Variants in VEGFD observed in about 807,000 individuals in gnomAD.
The protein encoded by VEGFD is vascular endothelial growth factor D, also known as c-fos induced growth factor (vascular endothelial growth factor D).
Under a neutral mutation model 28.0 loss-of-function variants are expected in VEGFD, and 26 were observed. The ratio of observed to expected loss-of-function variants is 0.93; its 90% confidence interval spans 0.68 to 1.29. The LOEUF (loss-of-function observed/expected upper bound fraction) is 1.29, where lower values mean the gene tolerates loss of function less well. Ranked by LOEUF, VEGFD falls within the 50% of genes most tolerant of loss-of-function variation. VEGFD has a pLI of 0.00. For missense variants in VEGFD, 294 were observed against 273.4 expected, an observed-to-expected ratio of 1.08 and a Z score of -0.53; for synonymous variants, 93 against 95.5, an observed-to-expected ratio of 0.97 and a Z score of 0.15.
intron 1 of VEGFD, among the ~76,000 whole-genome samples, chrX:15,380,876 C>A (rs768085935): frequency 8.9e-6 from 1 of 112,305 alleles, no homozygotes; most frequent in Admixed American, 9.4e-5. Context: ...CAGTGCACAT[C>A]GTGTACAACT....
chrX:15,350,700 A>C, intron 5 of VEGFD, among the ~76,000 whole-genome samples: 1 of 106,006 alleles, frequency 9.4e-6, no homozygotes, highest in Admixed American at 1.0e-4. Flanking sequence ...TGCCCTTCCC[A>C]CAGTAACTTA....
At chrX:15,380,173 G>T (rs1213210384) in intron 1 of VEGFD, among the ~76,000 whole-genome samples, 1 of 112,602 alleles carries the variant, frequency 8.9e-6, no homozygotes, top group African/African-American at 3.2e-5. Flanking sequence ...AGCTTGCTGG[G>T]CCATTTGACC....
intron 5 of VEGFD, among the ~76,000 whole-genome samples, chrX:15,348,373 A>G (rs957110906): frequency 1.8e-5 from 2 of 112,167 alleles, no homozygotes; most frequent in South Asian, 7.4e-4. Flanking sequence ...CCTCCAACCT[A>G]TTCTTCTTCA....
chrX:15,355,122 G>A, intron 4 of VEGFD, 28 bp downstream of exon 4: 1 of 1,128,119 alleles, frequency 8.9e-7, no homozygotes, highest in African/African-American at 1.9e-5. Flanking sequence ...GCATAATCCA[G>A]TATAAAAAAA....
intron 1 of VEGFD, 121 bp from the exon 2 acceptor site, chrX:15,363,440 C>A: frequency 1.8e-6 from 1 of 564,454 alleles, no homozygotes; most frequent in African/African-American, 2.3e-5. Context: ...ACTATTGAAA[C>A]GTATGCCAGT....
rs6632528 is a variant in VEGFD, at chrX:15,384,276, T to C, written c.-330A>G. 50,921 of 175,428 alleles carry C rather than the reference T, an allele frequency of 0.29. 6,122 individuals are homozygous for C. Among genetic ancestry groups the C allele is most frequent in the African/African-American group, 0.49 (15,840 of 32,232 alleles). The allele number at this position is 175,428 out of a possible 1,213,427, so 14.5% of individuals were successfully genotyped here. Reference sequence around the variant, plus strand: ...CAGAAAATTAAAAAAATCTCTCCAATGTATGCCGCAGGTTCTAGTTGCTTT... The same window carrying C: ...CAGAAAATTAAAAAAATCTCTCCAACGTATGCCGCAGGTTCTAGTTGCTTT... On this transcript the variant is annotated 5_prime_UTR_variant, in exon 1 of 7. Coordinates refer to ENST00000297904, the MANE Select transcript of VEGFD (RefSeq NM_004469.5).
At chrX:15,365,140 T>C (rs1923114156) in intron 1 of VEGFD, among the ~76,000 whole-genome samples, 1 of 112,190 alleles carries the variant, frequency 8.9e-6, no homozygotes, top group South Asian at 3.7e-4. Flanking sequence ...GGTTATTCTT[T>C]ATTTATTTTC....
intron 1 of VEGFD, among the ~76,000 whole-genome samples, chrX:15,368,205 G>T (rs1923228225): frequency 9.0e-6 from 1 of 111,029 alleles, no homozygotes; most frequent in Non-Finnish European, 1.9e-5. Context: ...AAAACAGGCA[G>T]ATGTATGGTT....
chrX:15,364,008 G>T (rs1923084365), intron 1 of VEGFD, among the ~76,000 whole-genome samples: 1 of 111,975 alleles, frequency 8.9e-6, no homozygotes, highest in Non-Finnish European at 1.9e-5. Flanking sequence ...AGTTATGGCA[G>T]CCATAGGAAA....
At chrX:15,351,415 G>A (rs1238978340) in intron 5 of VEGFD, among the ~76,000 whole-genome samples, 1 of 106,741 alleles carries the variant, frequency 9.4e-6, no homozygotes, top group Non-Finnish European at 1.9e-5. Flanking sequence ...CACCGCGCCC[G>A]GCCGGCCCGG....
intron 2 of VEGFD, among the ~76,000 whole-genome samples, chrX:15,360,202 AT>A (rs1194683136): frequency 9.1e-6 from 1 of 110,419 alleles, no homozygotes; most frequent in African/African-American, 3.3e-5. Context: ...CTTAATACCA[AT>A]TTTTTTCATA....
At chrX:15,372,003 G>A (rs756856316) in intron 1 of VEGFD, among the ~76,000 whole-genome samples, 4 of 111,872 alleles carry the variant, frequency 3.6e-5, no homozygotes, top group South Asian at 7.4e-4. Flanking sequence ...TGTGTTGAAC[G>A]AAAACATCGT....
chrX:15,383,062 C>T (rs1923623593), intron 1 of VEGFD, among the ~76,000 whole-genome samples: 1 of 112,010 alleles, frequency 8.9e-6, no homozygotes, highest in Non-Finnish European at 1.9e-5. Context: ...AAAACTCAAA[C>T]TCACATTTAA....
chrX:15,361,637 G>C (rs1005338108), intron 2 of VEGFD, among the ~76,000 whole-genome samples: 1 of 111,460 alleles, frequency 9.0e-6, no homozygotes, highest in African/African-American at 3.3e-5. Flanking sequence ...TGGTTAATTT[G>C]AATTATGCTA....
intron 4 of VEGFD, among the ~76,000 whole-genome samples, chrX:15,354,346 C>T (rs1289534238): frequency 9.1e-6 from 1 of 109,462 alleles, no homozygotes; most frequent in South Asian, 3.9e-4. Flanking sequence ...ATAAATGTTG[C>T]TTTTCTACAA....
At chrX:15,348,433 C>T (rs912908955) in intron 5 of VEGFD, among the ~76,000 whole-genome samples, 6 of 112,522 alleles carry the variant, frequency 5.3e-5, no homozygotes, top group African/African-American at 1.3e-4. Context: ...GCTTTGAATG[C>T]ATTAAAAGGT....
At chrX:15,367,367 C>G (rs1923172689) in intron 1 of VEGFD, among the ~76,000 whole-genome samples, 1 of 112,238 alleles carries the variant, frequency 8.9e-6, no homozygotes, top group East Asian at 2.8e-4. Context: ...CTTGCCACAG[C>G]TTCTTCATCT....
At chrX:15,351,366 G>T (rs1274460490) in intron 5 of VEGFD, among the ~76,000 whole-genome samples, 4 of 107,203 alleles carry the variant, frequency 3.7e-5, no homozygotes, top group African/African-American at 1.0e-4. Flanking sequence ...TGATCCGCCC[G>T]CCTCGGCCTC....
intron 1 of VEGFD, among the ~76,000 whole-genome samples, chrX:15,364,261 G>A (rs186535916): frequency 1.8e-5 from 2 of 111,682 alleles, no homozygotes; most frequent in African/African-American, 3.3e-5. Flanking sequence ...GGGGTTTTAC[G>A]CTCTAGAAGT....
Sources: allele counts gnomAD v4.1 joint callset (sites outside exome capture counted in the v4.1 genomes callset), GRCh38; gene constraint gnomAD v4.1.1; transcripts MANE v1.5; gene names NCBI Gene and HGNC (gene_info 2026-07-23, HGNC 2026-07-21).